Variants in HYLS1 observed in about 807,000 individuals in gnomAD.
HYLS1 encodes HYLS1 centriolar and ciliogenesis associated.
Under a neutral mutation model 29.4 loss-of-function variants are expected in HYLS1, and 25 were observed. The observed-to-expected ratio is 0.85, with a 90% CI of 0.62 to 1.19. HYLS1 has a LOEUF of 1.19. HYLS1 is among the 50% of genes most tolerant of loss of function. The probability of loss-of-function intolerance (pLI) is 0.00; values close to 1 mark genes in which losing one functional copy is unlikely to be tolerated. For missense variants in HYLS1, 352 were observed against 365.1 expected (o/e 0.96, Z 0.29); for synonymous variants, 128 against 126.7 (o/e 1.01, Z -0.07).
At position 125,900,369 on chromosome 11, in the gene HYLS1, T is replaced by A. The variant is rs1041859168; in HGVS notation, c.*101T>A. The A allele has an allele frequency of 6.1e-6, 7 of 1,148,192 alleles. No homozygotes were observed. Among genetic ancestry groups the A allele is most frequent in the African/African-American group, 3.1e-5 (2 of 65,162 alleles). 71.1% of individuals were successfully genotyped at this position (1,148,192 alleles called of 1,614,324 possible). ...CTGTCTTGAGAAGCTCTTCGAAACATTTTATGGTAAGGACTTCACCTATCA... is the reference window on the plus strand; with the variant it reads ...CTGTCTTGAGAAGCTCTTCGAAACAATTTATGGTAAGGACTTCACCTATCA... On this transcript the variant is annotated 3_prime_UTR_variant, in exon 3 of 3. Coordinates refer to ENST00000425380, the MANE Select transcript of HYLS1 (RefSeq NM_001134793.2).
At chr11:125,894,690 T>G (rs1944521161) in intron 2 of HYLS1, among the ~76,000 whole-genome samples, 1 of 152,236 alleles carries the variant, frequency 6.6e-6, no homozygotes, top group Non-Finnish European at 1.5e-5. Context: ...CCTACCATTT[T>G]GGAAATAGGA....
chr11:125,885,460 T>TA (rs565140458), upstream of HYLS1, among the ~76,000 whole-genome samples: 166 of 145,484 alleles, frequency 1.1e-3, 1 homozygote, highest in Middle Eastern at 3.5e-3. Flanking sequence ...CAAAAAAAAT[T>TA]AAAAAAAAAA....
At chr11:125,891,294 C>A (rs60870340) in intron 1 of HYLS1, 129 bp from the exon 2 acceptor site, 1 of 152,092 alleles carries the variant, frequency 6.6e-6, no homozygotes, top group South Asian at 2.1e-4. Flanking sequence ...TACTTAAGAT[C>A]TAAGACCCTG....
upstream of HYLS1, among the ~76,000 whole-genome samples, chr11:125,886,150 T>C (rs1408538560): frequency 6.6e-6 from 1 of 152,072 alleles, no homozygotes; most frequent in East Asian, 1.9e-4. Flanking sequence ...GCCAAAAAGG[T>C]TGGGACCGCT....
intron 2 of HYLS1, among the ~76,000 whole-genome samples, chr11:125,898,836 G>C (rs185050514): frequency 6.6e-6 from 1 of 151,992 alleles, no homozygotes; most frequent in East Asian, 1.9e-4. Context: ...CAAACTGCTT[G>C]AGTTAGAATT....
chr11:125,899,967 T>C lies in HYLS1; in HGVS notation c.599T>C (p.Leu200Pro), dbSNP rs1377482623. Reference sequence around the variant, plus strand: ...CCCAAGTCCTTTATTCTCCCAAAGCTGGACCAGTTAAGCCGAAACCGGGGC... The same window carrying C: ...CCCAAGTCCTTTATTCTCCCAAAGCCGGACCAGTTAAGCCGAAACCGGGGC... ...SRPKSFILPK[L>P]DQLSRNRGKT... The change falls in exon 3 of 3, where the codon CTG becomes CCG. Residue 200 changes from leucine to proline, a missense_variant. By Grantham distance (98) the Leu-to-Pro change is moderately conservative (BLOSUM62 -3). Transcript: ENST00000425380. 22 of 1,614,098 alleles carry C rather than the reference T, an allele frequency of 1.4e-5. No individual in the cohort carries two copies. Among genetic ancestry groups the C allele is most frequent in the Non-Finnish European group, 1.7e-5 (20 of 1,180,052 alleles).
At chr11:125,892,901 CTA>C (rs1944452467) in intron 2 of HYLS1, among the ~76,000 whole-genome samples, 1 of 152,262 alleles carries the variant, frequency 6.6e-6, no homozygotes, top group South Asian at 2.1e-4. Flanking sequence ...CCTTTTTAAA[CTA>C]TGTTCTTGTC....
intron 2 of HYLS1, chr11:125,895,859 G>C (rs1230912822): frequency 3.8e-6 from 6 of 1,591,906 alleles, no homozygotes; most frequent in Non-Finnish European, 5.1e-6. Context: ...TGTATACCTA[G>C]AATATCCTAG....
At chr11:125,893,066 T>C (rs894570973) in intron 2 of HYLS1, among the ~76,000 whole-genome samples, 4 of 152,254 alleles carry the variant, frequency 2.6e-5, no homozygotes, top group Non-Finnish European at 5.9e-5. Context: ...AAGATCTAGC[T>C]TCAATATCTC....
At chr11:125,895,620 C>T in intron 2 of HYLS1, 1 of 1,614,256 alleles carries the variant, frequency 6.2e-7, no homozygotes, top group Non-Finnish European at 8.5e-7. Flanking sequence ...AGCACTGAAG[C>T]TTGGTTCTAC....
chr11:125,895,111 A>G (rs550286326), intron 2 of HYLS1: 2 of 745,444 alleles, frequency 2.7e-6, no homozygotes, highest in East Asian at 2.7e-5. Flanking sequence ...CAGTGGTCCA[A>G]TCTCAGCTCA....
chr11:125,899,584 T>A lies in HYLS1; in HGVS notation c.216T>A (p.His72Gln). ...PALPVQLQYP[H>Q]VESNVPSETV... The stretch of plus-strand genomic sequence containing the variant: ...TTCCTGTGCAACTACAGTACCCACA[T>A]GTAGAAAGTAATGTCCCTTCAGAAA... Residue 72 changes from histidine (H) to glutamine (Q), a missense_variant, in exon 3 of 3, where the codon CAT becomes CAA. By Grantham distance (24) the His-to-Gln change is conservative. Coordinates refer to ENST00000425380, the MANE Select transcript of HYLS1 (RefSeq NM_001134793.2). 1 of 1,614,078 alleles carries A rather than the reference T, an allele frequency of 6.2e-7. No individual in the cohort carries two copies. The highest frequency in any genetic ancestry group is 8.5e-7 in the Non-Finnish European group (1 of 1,179,988).
Position 125,900,186 on chromosome 11 carries a change from C to G in HYLS1, c.818C>G (p.Ser273Cys). 6.2e-7 allele frequency: 1 copy of G among 1,614,158 alleles called. No individual in the cohort carries two copies. Among genetic ancestry groups the G allele is most frequent in the Non-Finnish European group, 8.5e-7 (1 of 1,180,010 alleles). Reference sequence around the variant, plus strand: ...CTAGTACCAACAGAGAAGAAAAGGTCTGCACTCCGTTGGGGTGTTCGTTGT... The same window carrying G: ...CTAGTACCAACAGAGAAGAAAAGGTGTGCACTCCGTTGGGGTGTTCGTTGT... ...NYLVPTEKKR[S>C]ALRWGVRCDL... The change falls in exon 3 of 3, where the codon TCT (serine) becomes TGT (cysteine). Residue 273 changes from serine to cysteine, a missense_variant. Transcript: ENST00000425380.
chr11:125,897,588 GAAAA>G (rs1944626863), intron 2 of HYLS1, among the ~76,000 whole-genome samples: 1 of 148,510 alleles, frequency 6.7e-6, no homozygotes, highest in African/African-American at 2.5e-5. Context: ...CAAACAAAAA[GAAAA>G]AAGCTTATAA....
chr11:125,883,891 T>C (rs186386584), upstream of HYLS1: 1 of 151,224 alleles, frequency 6.6e-6, no homozygotes, highest in East Asian at 1.9e-4. Context: ...AAAAGAGTGG[T>C]TAACAAGCAT....
upstream of HYLS1, among the ~76,000 whole-genome samples, chr11:125,884,466 G>A (rs58767316): frequency 3.7e-4 from 57 of 152,170 alleles, 1 homozygote; most frequent in East Asian, 8.9e-3. Flanking sequence ...AAAATTAGCC[G>A]GGTGCGGTGG....
chr11:125,898,778 A>T lies in HYLS1; in HGVS notation c.-25-566A>T, dbSNP rs1944668644. On this transcript the variant is annotated intron_variant, in intron 2 of 2. Coordinates refer to ENST00000425380, the MANE Select transcript of HYLS1 (RefSeq NM_001134793.2). ...ACTGCTTTTGTGATTTTTTTTTTTT[A>T]GATCAAATCACTCTTTTATGGTTAA... Among the ~76,000 whole-genome samples the T allele has an allele frequency of 2.0e-5, 3 of 146,870 alleles. No individual in the cohort carries two copies. The South Asian group carries it at 6.4e-4, about 31-fold the overall frequency.
upstream of HYLS1, among the ~76,000 whole-genome samples, chr11:125,886,422 T>C (rs1038191811): frequency 5.3e-5 from 8 of 152,152 alleles, no homozygotes; most frequent in African/African-American, 1.9e-4. Context: ...ACTTGACAAC[T>C]AGCACCTATT....
At chr11:125,895,352 C>T (rs2134244024) in intron 2 of HYLS1, 1 of 1,614,188 alleles carries the variant, frequency 6.2e-7, no homozygotes, top group African/African-American at 1.3e-5. Flanking sequence ...AAAGGAATGC[C>T]TGGCCAGTCA....
Sources: allele counts gnomAD v4.1 joint callset (sites outside exome capture counted in the v4.1 genomes callset), GRCh38; gene constraint gnomAD v4.1.1; transcripts MANE v1.5; gene names NCBI Gene and HGNC (gene_info 2026-07-23, HGNC 2026-07-21).